The following GNA14 variants were observed in gnomAD, a reference collection of about 807,000 sequenced individuals.
The protein encoded by GNA14 is guanine nucleotide-binding protein subunit alpha-14.
A neutral mutation model predicts 42.0 loss-of-function variants in GNA14; 50 were observed. The observed-to-expected ratio is 1.19, with a 90% confidence interval of 0.95 to 1.51. The LOEUF is 1.51. Among genes scored for constraint, GNA14 ranks in the 40% most tolerant of loss-of-function variants. The pLI is 0.00. For missense variants in GNA14, 473 were observed against 446.2 expected (o/e 1.06, Z -0.54); for synonymous variants, 173 against 163.1 (o/e 1.06, Z -0.46).
intron 2 of GNA14, among the ~76,000 whole-genome samples, chr9:77,438,757 T>C (rs941633303): frequency 6.6e-6 from 1 of 152,016 alleles, no homozygotes; most frequent in Non-Finnish European, 1.5e-5. Flanking sequence ...TTCAAACCCA[T>C]GTGGGCCAAC....
At chr9:77,501,876 A>C (rs1286500926) in intron 2 of GNA14, among the ~76,000 whole-genome samples, 1 of 151,756 alleles carries the variant, frequency 6.6e-6, no homozygotes, top group African/African-American at 2.4e-5. Context: ...ACACCCAGCT[A>C]GTTTATGTAT....
intron 1 of GNA14, among the ~76,000 whole-genome samples, chr9:77,543,295 G>A (rs1325497084): frequency 6.6e-6 from 1 of 152,190 alleles, no homozygotes; most frequent in African/African-American, 2.4e-5. Context: ...AGGCAGCTGT[G>A]GGGCTTATGG....
chr9:77,485,544 C>T lies in GNA14; in HGVS notation c.309+43525G>A, dbSNP rs147854640. Among the ~76,000 whole-genome samples the T allele has an allele frequency of 2.4e-3, 368 of 152,228 alleles. 2 individuals carry two copies. The highest frequency in any genetic ancestry group is 0.012 in the South Asian group (60 of 4,810). On this transcript the variant is annotated intron_variant, in intron 2 of 6. Transcript: ENST00000341700. ...GGTATCTAGAATGGTGAATCCTTCC[C>T]AGAAGGCTTTCAATTTACTTTGCCC...
chr9:77,579,070 C>T (rs1247928737), intron 1 of GNA14, among the ~76,000 whole-genome samples: 4 of 152,232 alleles, frequency 2.6e-5, no homozygotes, highest in South Asian at 2.1e-4. Flanking sequence ...GTGAGCTGCC[C>T]GAGATGGGAT....
At chr9:77,475,893 G>A (rs547870147) in intron 2 of GNA14, among the ~76,000 whole-genome samples, 10 of 152,300 alleles carry the variant, frequency 6.6e-5, no homozygotes, top group African/African-American at 1.9e-4. Flanking sequence ...CCCAAAGATA[G>A]AGGGATGCAG....
intron 1 of GNA14, among the ~76,000 whole-genome samples, chr9:77,551,288 C>T (rs1376562858): frequency 6.6e-6 from 1 of 152,048 alleles, no homozygotes; most frequent in Admixed American, 6.6e-5. Flanking sequence ...AATTTTGAAT[C>T]TTCAATTTCT....
At chr9:77,621,437 G>A (rs1455566331) in intron 1 of GNA14, among the ~76,000 whole-genome samples, 1 of 152,120 alleles carries the variant, frequency 6.6e-6, no homozygotes, top group Non-Finnish European at 1.5e-5. Flanking sequence ...GGTGTGTATG[G>A]GTAAGTGTGC....
At chr9:77,438,440 G>T (rs1486308432) in intron 2 of GNA14, among the ~76,000 whole-genome samples, 2 of 151,742 alleles carry the variant, frequency 1.3e-5, no homozygotes, top group Middle Eastern at 3.2e-3. Flanking sequence ...GCTAATTTTT[G>T]TGTTTTTAGT....
intron 2 of GNA14, among the ~76,000 whole-genome samples, chr9:77,506,217 G>A (rs939477065): frequency 6.6e-6 from 1 of 151,134 alleles, no homozygotes; most frequent in African/African-American, 2.4e-5. Flanking sequence ...AGGAGGTTGA[G>A]GTTGCAGTGG....
At chr9:77,539,093 T>C (rs980217591) in intron 1 of GNA14, among the ~76,000 whole-genome samples, 1 of 152,202 alleles carries the variant, frequency 6.6e-6, no homozygotes, top group Non-Finnish European at 1.5e-5. Flanking sequence ...TTCCATACCT[T>C]AGAAGAAAGA....
chr9:77,603,517 T>C (rs917153493), intron 1 of GNA14, among the ~76,000 whole-genome samples: 2 of 152,130 alleles, frequency 1.3e-5, no homozygotes, highest in African/African-American at 4.8e-5. Context: ...AGAGACATCA[T>C]TTGCAGGAGT....
chr9:77,617,038 T>G (rs1417180549), intron 1 of GNA14, among the ~76,000 whole-genome samples: 2 of 151,794 alleles, frequency 1.3e-5, no homozygotes, highest in Non-Finnish European at 2.9e-5. Context: ...ACCGGTTAAT[T>G]TTTTTGTATT....
At chr9:77,438,398 G>C (rs1835673014) in intron 2 of GNA14, among the ~76,000 whole-genome samples, 1 of 151,984 alleles carries the variant, frequency 6.6e-6, no homozygotes, top group South Asian at 2.1e-4. Context: ...CTCCCGAGTA[G>C]CTGGGATTAC....
At chr9:77,430,711 CT>C in intron 4 of GNA14, among the ~76,000 whole-genome samples, 1 of 152,262 alleles carries the variant, frequency 6.6e-6, no homozygotes, top group East Asian at 1.9e-4. Flanking sequence ...TATAAAAGTG[CT>C]TTGAAATGTG....
At chr9:77,645,892 G>A (rs1207865650) in intron 1 of GNA14, among the ~76,000 whole-genome samples, 1 of 152,108 alleles carries the variant, frequency 6.6e-6, no homozygotes, top group African/African-American at 2.4e-5. Flanking sequence ...AAAGAAAAAA[G>A]TTACATACGC....
intron 1 of GNA14, among the ~76,000 whole-genome samples, chr9:77,574,000 A>G (rs980111721): frequency 2.0e-5 from 3 of 152,236 alleles, no homozygotes; most frequent in Admixed American, 6.5e-5. Context: ...AATAGCCACA[A>G]CAAAATTTAT....
At chr9:77,557,971 TAGAACC>T (rs1475268759) in intron 1 of GNA14, among the ~76,000 whole-genome samples, 1 of 152,190 alleles carries the variant, frequency 6.6e-6, no homozygotes, top group Non-Finnish European at 1.5e-5. Flanking sequence ...CATAGCCATT[TAGAACC>T]ACAACCCTGG....
chr9:77,476,944 G>GT (rs1836437595), intron 2 of GNA14, among the ~76,000 whole-genome samples: 1 of 152,214 alleles, frequency 6.6e-6, no homozygotes, highest in African/African-American at 2.4e-5. Context: ...GACTGCATGA[G>GT]TAACAGCTGA....
At chr9:77,541,606 T>C (rs1837661920) in intron 1 of GNA14, among the ~76,000 whole-genome samples, 1 of 152,238 alleles carries the variant, frequency 6.6e-6, no homozygotes, top group Non-Finnish European at 1.5e-5. Context: ...AGTTTTCATC[T>C]ATTATTTCAT....
Sources: gnomAD v4.1 joint callset for allele counts (sites outside exome capture counted in the v4.1 genomes callset) on GRCh38, gnomAD v4.1.1 for gene constraint, MANE v1.5 for transcripts, NCBI Gene and HGNC (gene_info 2026-07-23, HGNC 2026-07-21) for gene names.